The following SCN10A variants were observed in gnomAD, a reference collection of about 807,000 sequenced individuals.
SCN10A encodes the protein sodium voltage-gated channel alpha subunit 10.
Under a neutral mutation model 170.7 loss-of-function variants are expected in SCN10A, and 162 were observed. The ratio of observed to expected loss-of-function variants is 0.95; its 90% CI spans 0.84 to 1.08. The LOEUF (loss-of-function observed/expected upper bound fraction) is 1.08, where lower values mean the gene tolerates loss of function less well. SCN10A is among the 50% of genes least tolerant of loss of function. The probability of loss-of-function intolerance (pLI) is 0.00; values close to 1 mark genes in which losing one functional copy is unlikely to be tolerated. For synonymous variants in SCN10A, 985 were observed against 904.6 expected, an observed-to-expected ratio of 1.09 and a Z score of -1.59; for missense variants, 2,527 against 2,436.9, an observed-to-expected ratio of 1.04 and a Z score of -0.78.
chr3:38,786,178 C>T (rs114202728), intron 4 of SCN10A, among the ~76,000 whole-genome samples: 1,754 of 152,078 alleles, frequency 0.012, 33 homozygotes, highest in African/African-American at 0.04. Flanking sequence ...TACAAGCATG[C>T]GTATGTTTAT....
Position 38,697,644 on chromosome 3 carries a change from T to C in SCN10A, c.5576A>G (p.Gln1859Arg), listed in dbSNP as rs146269698. Residue 1859 changes from glutamine (Q) to arginine (R), a missense_variant, in exon 28 of 28, where the codon CAA becomes CGA. Gln to Arg is a conservative substitution (Grantham distance 43). Transcript: ENST00000449082. ...KQEDISATVI[Q>R]KAYRSYVLHR... The stretch of plus-strand genomic sequence containing the variant: ...CAGCACATAGCTCCGATAGGCCTTT[T>C]GAATGACAGTGGCTGAAATGTCTTC... 6.2e-7 allele frequency: 1 copy of C among 1,614,210 alleles called. No individual in the cohort carries two copies. Among genetic ancestry groups the C allele is most frequent in the Non-Finnish European group, 8.5e-7 (1 of 1,180,038 alleles).
chr3:38,800,345 A>T (rs1332502669), intron 1 of SCN10A, among the ~76,000 whole-genome samples: 1 of 152,178 alleles, frequency 6.6e-6, no homozygotes, highest in Non-Finnish European at 1.5e-5. Flanking sequence ...ACCTGAAAAG[A>T]TTCTCAGTCA....
Position 38,713,985 on chromosome 3 carries a change from C to T in SCN10A, c.3777G>A (p.Arg1259=), listed in dbSNP as rs1424888888. ...GCATGCCTTCAAATCGAGAAAGAGC[C>T]CGCAGTGGCCGCAGAGCGCGAAGGG... is the stretch of plus-strand genomic sequence containing the variant. ...LRTLRALRPL[R]ALSRFEGMRV... Residue 1259 remains arginine (R), a synonymous_variant, in exon 22 of 28, where the codon CGG becomes CGA. Transcript: ENST00000449082. 3 of 1,613,740 alleles carry T rather than the reference C, an allele frequency of 1.9e-6. No individual in the cohort carries two copies. The highest frequency in any genetic ancestry group is 2.5e-6 in the Non-Finnish European group (3 of 1,180,042).
chr3:38,792,432 C>A (rs897917640), intron 2 of SCN10A, among the ~76,000 whole-genome samples: 8 of 152,172 alleles, frequency 5.3e-5, no homozygotes, highest in Non-Finnish European at 1.0e-4. Flanking sequence ...CTTTAATGGA[C>A]AGACAGCCAA....
Position 38,722,235 on chromosome 3 carries a change from G to C in SCN10A, c.3507+23C>G, listed in dbSNP as rs761752275. 9 of 1,606,298 alleles carry C rather than the reference G, an allele frequency of 5.6e-6. No individual in the cohort carries two copies. The South Asian group carries it at 8.9e-5, about 16-fold the overall frequency. On this transcript the variant is annotated intron_variant, in intron 20 of 27. Coordinates refer to ENST00000449082, the MANE Select transcript of SCN10A (RefSeq NM_006514.4). ...AGATTCCTATCTGGAGGATTTGGGGGCAGGGACTATGCCTCCCCTTACCAG... is the reference window on the plus strand; with the variant it reads ...AGATTCCTATCTGGAGGATTTGGGGCCAGGGACTATGCCTCCCCTTACCAG...
chr3:38,750,266 G>A, intron 12 of SCN10A, 82 bp from the exon 13 acceptor site: 1 of 716,954 alleles, frequency 1.4e-6, no homozygotes, highest in Non-Finnish European at 2.5e-6. Flanking sequence ...CCTCTTATTG[G>A]CCAATCTCAT....
intron 15 of SCN10A, among the ~76,000 whole-genome samples, chr3:38,730,186 T>C (rs1005581790): frequency 1.3e-5 from 2 of 152,204 alleles, no homozygotes; most frequent in Non-Finnish European, 2.9e-5. Flanking sequence ...CATGTAAGGA[T>C]GAACCACAAA....
intron 1 of SCN10A, among the ~76,000 whole-genome samples, chr3:38,812,178 T>G (rs1201687947): frequency 1.3e-5 from 2 of 152,252 alleles, no homozygotes; most frequent in Non-Finnish European, 2.9e-5. Context: ...ATTGTCTTAC[T>G]AATAAAAGTA....
intron 15 of SCN10A, 56 bp downstream of exon 15, chr3:38,739,459 T>A: frequency 6.6e-7 from 1 of 1,522,714 alleles, no homozygotes; most frequent in Non-Finnish European, 9.0e-7. Context: ...CAGAGCACAG[T>A]GTCTTCCCTG....
In SCN10A at chr3:38,755,870, T is replaced by C. The variant is rs1217168259; in HGVS notation, c.1379A>G (p.His460Arg). ...LTSKNASERR[H>R]RIKPRVSEGS... ...CTCTGACACTCTTGGCTTTATTCTA[T>C]GCCTTCTCTCACTGGCATTTTTGGA... Residue 460 changes from histidine to arginine, a missense_variant, in exon 11 of 28, where the codon CAT (histidine) becomes CGT (arginine). Physicochemically the swap from His to Arg is conservative, Grantham distance 29. Coordinates refer to ENST00000449082, the MANE Select transcript of SCN10A (RefSeq NM_006514.4). The C allele has an allele frequency of 4.3e-6, 7 of 1,614,216 alleles. No individual in the cohort carries two copies. The highest frequency in any genetic ancestry group is 5.9e-6 in the Non-Finnish European group (7 of 1,180,026).
In SCN10A at chr3:38,723,549, A is replaced by G. The variant is rs1163198911; in HGVS notation, c.3233T>C (p.Val1078Ala). ...ESVPQVPAEG[V>A]DDTSSSEGST... ...GCCCTCAGAGGAGCTTGTGTCGTCC[A>G]CTCCCTGCAGGGGAGAAGCCCAGGG... is the stretch of plus-strand genomic sequence containing the variant. The change falls in exon 19 of 28, where the codon GTG becomes GCG. Residue 1078 changes from valine to alanine, a missense_variant. Val to Ala is a moderately conservative substitution (Grantham distance 64). Coordinates refer to ENST00000449082, the MANE Select transcript of SCN10A (RefSeq NM_006514.4). 3.1e-6 allele frequency: 5 copies of G among 1,589,458 alleles called. No individual in the cohort carries two copies. In the African/African-American group the frequency reaches 6.7e-5, roughly 21 times the overall value.
At chr3:38,705,754 T>C (rs2063203862) in intron 26 of SCN10A, among the ~76,000 whole-genome samples, 2 of 152,030 alleles carry the variant, frequency 1.3e-5, no homozygotes, top group South Asian at 4.2e-4. Context: ...TTGCCAAGGG[T>C]TGTCCCTAGC....
At chr3:38,811,624 T>C (rs987138713) in intron 1 of SCN10A, among the ~76,000 whole-genome samples, 3 of 152,194 alleles carry the variant, frequency 2.0e-5, no homozygotes, top group African/African-American at 7.2e-5. Context: ...CTACCCACTT[T>C]GTCTGATTTA....
chr3:38,807,852 T>C (rs114868005), intron 1 of SCN10A, among the ~76,000 whole-genome samples: 2,101 of 152,260 alleles, frequency 0.014, 59 homozygotes, highest in African/African-American at 0.047. Context: ...TCCCCACCTC[T>C]TCACATGTGC....
chr3:38,786,798 G>C (rs2064210004), intron 4 of SCN10A, among the ~76,000 whole-genome samples: 2 of 151,946 alleles, frequency 1.3e-5, no homozygotes, highest in Admixed American at 6.6e-5. Flanking sequence ...TGCTGTTCTG[G>C]GGTGCCACCT....
At chr3:38,760,046 A>G (rs1431255631) in intron 8 of SCN10A, among the ~76,000 whole-genome samples, 1 of 152,224 alleles carries the variant, frequency 6.6e-6, no homozygotes, top group East Asian at 1.9e-4. Flanking sequence ...ATTTATTAAA[A>G]TGGCTATAAT....
chr3:38,781,986 C>A lies in SCN10A; in HGVS notation c.470+6970G>T, dbSNP rs532780338. On this transcript the variant is annotated intron_variant, in intron 4 of 27. Coordinates refer to ENST00000449082, the MANE Select transcript of SCN10A (RefSeq NM_006514.4). ...TATAAATTTATAATTATAATTAAAA[C>A]CGTGTAATACATTGTCCTTAGTGTA... Among the ~76,000 whole-genome samples the A allele has an allele frequency of 1.3e-4, 19 of 151,970 alleles. No homozygotes were observed. The South Asian group carries it at 2.1e-3, about 17-fold the overall frequency.
chr3:38,755,903 G>T lies in SCN10A; in HGVS notation c.1346C>A (p.Pro449His). 1 of 1,614,234 alleles carries T rather than the reference G, an allele frequency of 6.2e-7. No individual in the cohort carries two copies. ...CTCACTGGCATTTTTGGAGGTTAAA[G>T]GTGATCCATTGTGGGAGTGGAGAGA... Reference protein sequence around the residue: ...TTSLHSHNGSPLTSKNASERR... With the variant: ...TTSLHSHNGSHLTSKNASERR... The change falls in exon 11 of 28, where the codon CCT becomes CAT. Residue 449 changes from proline to histidine, a missense_variant. Transcript: ENST00000449082.
chr3:38,800,838 G>C (rs1180957568), intron 1 of SCN10A, among the ~76,000 whole-genome samples: 1 of 152,122 alleles, frequency 6.6e-6, no homozygotes, highest in Non-Finnish European at 1.5e-5. Flanking sequence ...AGGACCCACT[G>C]GGTCTCTTCT....
Sources: allele counts gnomAD v4.1 joint callset (sites outside exome capture counted in the v4.1 genomes callset), GRCh38; gene constraint gnomAD v4.1.1; transcripts MANE v1.5; gene names NCBI Gene and HGNC (gene_info 2026-07-23, HGNC 2026-07-21).